The following SCAI variants were observed in gnomAD, a reference collection of about 807,000 sequenced individuals.
SCAI encodes suppressor of cancer cell invasion, also known as protein SCAI.
SCAI carries 24 observed loss-of-function variants against 92.2 expected under a neutral mutation model. The observed-to-expected ratio is 0.26, with a 90% CI of 0.19 to 0.37. The LOEUF is 0.37. Ranked by LOEUF, SCAI falls within the 10% of genes least tolerant of loss-of-function variation. The pLI is 1.00. For synonymous variants in SCAI, 261 were observed against 258.6 expected, an observed-to-expected ratio of 1.01 and a Z score of -0.09; for missense variants, 450 against 736.2, an observed-to-expected ratio of 0.61 and a Z score of 4.50.
At chr9:125,071,565 GA>G (rs1000297543) in intron 2 of SCAI, among the ~76,000 whole-genome samples, 3 of 152,224 alleles carry the variant, frequency 2.0e-5, no homozygotes, top group African/African-American at 7.2e-5. Context: ...TACACAGCCA[GA>G]AGGCCATTTG....
chr9:125,097,374 A>G (rs1194879071), intron 2 of SCAI, among the ~76,000 whole-genome samples: 2 of 152,108 alleles, frequency 1.3e-5, no homozygotes, highest in South Asian at 4.1e-4. Context: ...TAGAGATTGC[A>G]GTGAGCCAAG....
chr9:124,978,093 G>T (rs1429021310), intron 14 of SCAI, among the ~76,000 whole-genome samples: 2 of 152,032 alleles, frequency 1.3e-5, no homozygotes. Flanking sequence ...GTCAAATAAT[G>T]AACTGAAGAA....
chr9:125,084,819 C>T (rs1462660560), intron 2 of SCAI, among the ~76,000 whole-genome samples: 1 of 152,128 alleles, frequency 6.6e-6, no homozygotes, highest in Non-Finnish European at 1.5e-5. Context: ...AACATGAGAT[C>T]ACCACAACTT....
intron 9 of SCAI, among the ~76,000 whole-genome samples, chr9:125,011,968 G>A (rs2131058383): frequency 6.6e-6 from 1 of 152,300 alleles, no homozygotes; most frequent in South Asian, 2.1e-4. Context: ...ATACTTCACA[G>A]ACAAGCAAAT....
In SCAI at chr9:125,096,103, A is replaced by G. The variant is rs866891630; in HGVS notation, c.99-40096T>C. Among the ~76,000 whole-genome samples, 5 of 152,256 alleles carry G rather than the reference A, an allele frequency of 3.3e-5. 1 individual carries two copies. The South Asian group carries it at 1.0e-3, about 32-fold the overall frequency. On this transcript the variant is annotated intron_variant, in intron 2 of 17. Coordinates refer to ENST00000336505, the MANE Select transcript of SCAI (RefSeq NM_001144877.3). ...CATCCTGTATTAGTCTGTTTTTCAC[A>G]CTGTTGATAAAGACATACCCAAGAC...
chr9:125,053,600 T>C, intron 3 of SCAI, among the ~76,000 whole-genome samples: 1 of 152,144 alleles, frequency 6.6e-6, no homozygotes, highest in South Asian at 2.1e-4. Context: ...ATATAAAATA[T>C]CCAAAATAGG....
At chr9:125,070,693 C>T (rs1195240217) in intron 2 of SCAI, among the ~76,000 whole-genome samples, 1 of 152,142 alleles carries the variant, frequency 6.6e-6, no homozygotes, top group Non-Finnish European at 1.5e-5. Context: ...GCCACCACAC[C>T]AGGCCAAAAC....
chr9:124,957,236 G>A (rs1396430288), intron 17 of SCAI, among the ~76,000 whole-genome samples: 11 of 151,970 alleles, frequency 7.2e-5, no homozygotes, highest in Admixed American at 7.2e-4. Flanking sequence ...CAAGTGATCT[G>A]CCTGCCTCAG....
chr9:125,014,396 CAG>C (rs566902079), intron 9 of SCAI, among the ~76,000 whole-genome samples: 81 of 152,220 alleles, frequency 5.3e-4, no homozygotes, highest in African/African-American at 1.8e-3. Context: ...AACAGAGAAA[CAG>C]AGAGCCAAAT....
chr9:125,013,820 G>C (rs1832690115), intron 9 of SCAI, among the ~76,000 whole-genome samples: 1 of 152,114 alleles, frequency 6.6e-6, no homozygotes, highest in African/African-American at 2.4e-5. Flanking sequence ...ACATCAAAAA[G>C]CTTATCCACC....
chr9:125,027,116 C>T (rs903472873), intron 5 of SCAI, among the ~76,000 whole-genome samples: 8 of 152,102 alleles, frequency 5.3e-5, no homozygotes, highest in Non-Finnish European at 8.8e-5. Flanking sequence ...AAAACCTCCT[C>T]GCTGCATCCA....
intron 14 of SCAI, among the ~76,000 whole-genome samples, chr9:124,983,945 G>A (rs1428252598): frequency 1.3e-5 from 2 of 152,142 alleles, no homozygotes; most frequent in Non-Finnish European, 2.9e-5. Flanking sequence ...GGAATTAAAC[G>A]TATACACATA....
chr9:125,115,228 C>A (rs1022231157), intron 2 of SCAI, among the ~76,000 whole-genome samples: 2 of 151,900 alleles, frequency 1.3e-5, no homozygotes, highest in South Asian at 2.1e-4. Context: ...AAAAATTAGC[C>A]GGGCGTGGTG....
At chr9:125,109,361 AAATAAT>A (rs796825826) in intron 2 of SCAI, among the ~76,000 whole-genome samples, 90 of 151,636 alleles carry the variant, frequency 5.9e-4, no homozygotes, top group Non-Finnish European at 9.4e-4. Context: ...CAATTTTAAA[AAATAAT>A]AATAATAATA....
chr9:125,113,377 C>T (rs574218051), intron 2 of SCAI, among the ~76,000 whole-genome samples: 4 of 152,194 alleles, frequency 2.6e-5, no homozygotes, highest in African/African-American at 9.6e-5. Flanking sequence ...TTGACCAATG[C>T]CCCTCAAAAT....
intron 6 of SCAI, among the ~76,000 whole-genome samples, chr9:125,024,265 G>T (rs529067629): frequency 1.3e-5 from 2 of 151,174 alleles, no homozygotes; most frequent in South Asian, 2.1e-4. Context: ...AAAATTGAAG[G>T]CTTTTTATGA....
intron 2 of SCAI, among the ~76,000 whole-genome samples, chr9:125,106,122 A>AAAAAAAAAAAATAT (rs1554791724): frequency 1.1e-4 from 1 of 8,852 alleles, no homozygotes; most frequent in African/African-American, 2.3e-4. Context: ...AAAAAAAAAA[A>AAAAAAAAAAAATAT]ATATATATAT....
rs1213146714 is a variant in SCAI at position 124,947,335 on chromosome 9, A to G, written c.*5472T>C. 2 of 152,206 alleles carry G rather than the reference A, an allele frequency of 1.3e-5. No individual in the cohort carries two copies. Among genetic ancestry groups the G allele is most frequent in the Admixed American group, 1.3e-4 (2 of 15,280 alleles). 9.4% of individuals were successfully genotyped at this position (152,206 alleles called of 1,614,324 possible). A position where few individuals can be genotyped will look rare whatever the true frequency, so the allele number is the denominator to read the frequency against. ...TTCACATACTTAGGTTTTTCAGGTT[A>G]TATCACTAATTTATCATCAGTTTAA... is the stretch of plus-strand genomic sequence containing the variant. On this transcript the variant is annotated 3_prime_UTR_variant, in exon 18 of 18. Coordinates refer to ENST00000336505, the MANE Select transcript of SCAI (RefSeq NM_001144877.3).
At chr9:125,093,129 G>A (rs947360220) in intron 2 of SCAI, among the ~76,000 whole-genome samples, 1 of 152,206 alleles carries the variant, frequency 6.6e-6, no homozygotes, top group African/African-American at 2.4e-5. Context: ...GGGAGGCCAA[G>A]GTGGGTGGAT....
Sources: gnomAD v4.1 joint callset for allele counts (sites outside exome capture counted in the v4.1 genomes callset) on GRCh38, gnomAD v4.1.1 for gene constraint, MANE v1.5 for transcripts, NCBI Gene and HGNC (gene_info 2026-07-23, HGNC 2026-07-21) for gene names.